NEK7: variants seen among roughly 807,000 people sequenced by gnomAD.
The protein encoded by NEK7 is NIMA related kinase 7.
Under a neutral mutation model 44.6 loss-of-function variants are expected in NEK7, and 18 were observed. The ratio of observed to expected loss-of-function variants is 0.40; its 90% CI spans 0.28 to 0.60. The LOEUF is 0.60. Among genes scored for constraint, NEK7 ranks in the 20% least tolerant of loss-of-function variants. The probability of loss-of-function intolerance (pLI) is 0.38; values close to 1 mark genes in which losing one functional copy is unlikely to be tolerated. For synonymous variants in NEK7, 130 were observed against 121.1 expected, an observed-to-expected ratio of 1.07 and a Z score of -0.48; for missense variants, 256 against 366.5, an observed-to-expected ratio of 0.70 and a Z score of 2.46.
At chr1:198,239,664 T>C (rs1666631248) in intron 2 of NEK7, among the ~76,000 whole-genome samples, 1 of 152,102 alleles carries the variant, frequency 6.6e-6, no homozygotes, top group African/African-American at 2.4e-5. Flanking sequence ...CAGTGAATAC[T>C]AGATAAAGGG....
intron 9 of NEK7, among the ~76,000 whole-genome samples, chr1:198,314,506 G>A (rs1381385567): frequency 3.9e-5 from 6 of 152,122 alleles, no homozygotes; most frequent in Admixed American, 1.3e-4. Context: ...GAGGAGAGGC[G>A]CTCTGCTTTT....
intron 1 of NEK7, among the ~76,000 whole-genome samples, chr1:198,203,143 T>C (rs1427198638): frequency 6.6e-6 from 1 of 152,194 alleles, no homozygotes; most frequent in African/African-American, 2.4e-5. Context: ...GGGATGTATT[T>C]ATATAAAACT....
chr1:198,302,209 TCAA>T (rs1654908701), intron 9 of NEK7, among the ~76,000 whole-genome samples: 1 of 152,192 alleles, frequency 6.6e-6, no homozygotes, highest in African/African-American at 2.4e-5. Flanking sequence ...CCATAAAATA[TCAA>T]CCTGAAAGGT....
At chr1:198,282,417 C>A (rs541037709) in intron 7 of NEK7, among the ~76,000 whole-genome samples, 1 of 152,168 alleles carries the variant, frequency 6.6e-6, no homozygotes. Context: ...TCATGATGTG[C>A]CAGCCATGTT....
At chr1:198,233,834 T>G (rs946602536) in intron 2 of NEK7, among the ~76,000 whole-genome samples, 17 of 151,436 alleles carry the variant, frequency 1.1e-4, no homozygotes, top group Non-Finnish European at 2.4e-4. Flanking sequence ...CGATCTTTTC[T>G]GCTTGTATGA....
chr1:198,171,884 G>T (rs1166071832), intron 1 of NEK7, among the ~76,000 whole-genome samples: 1 of 152,170 alleles, frequency 6.6e-6, no homozygotes. Context: ...AGGCCTGCCT[G>T]ACCCTGACAG....
chr1:198,224,632 A>C (rs575945394), intron 1 of NEK7, among the ~76,000 whole-genome samples: 1 of 152,168 alleles, frequency 6.6e-6, no homozygotes, highest in South Asian at 2.1e-4. Flanking sequence ...TAATTTTTGG[A>C]AAATGTAGCT....
chr1:198,262,563 T>G lies in NEK7; in HGVS notation c.199-12T>G. The stretch of plus-strand genomic sequence containing the variant: ...TATTATTTTATTAAGTAATTCTGGG[T>G]TCTGTTTTTAGATATTTGATTTAAT... On this transcript the variant is annotated splice_polypyrimidine_tract_variant and intron_variant, in intron 3 of 9. Transcript: ENST00000367385. 1 of 1,550,472 alleles carries G rather than the reference T, an allele frequency of 6.4e-7. No individual in the cohort carries two copies. The highest frequency in any genetic ancestry group is 1.1e-5 in the South Asian group (1 of 87,734).
intron 5 of NEK7, among the ~76,000 whole-genome samples, chr1:198,273,399 T>C (rs1653915832): frequency 6.6e-6 from 1 of 151,760 alleles, no homozygotes; most frequent in Admixed American, 6.6e-5. Flanking sequence ...GATACCTCAT[T>C]ATGCCTTCCA....
At chr1:198,193,773 A>G (rs902580021) in intron 1 of NEK7, among the ~76,000 whole-genome samples, 1 of 152,168 alleles carries the variant, frequency 6.6e-6, no homozygotes, top group African/African-American at 2.4e-5. Context: ...CTCTCAATCA[A>G]CTAGGTATTG....
intron 3 of NEK7, chr1:198,256,327 G>C: frequency 6.2e-7 from 1 of 1,601,984 alleles, no homozygotes. Flanking sequence ...TTTTCCTGCA[G>C]GTTTGCCTGT....
chr1:198,171,493 A>G (rs1290565978), intron 1 of NEK7, among the ~76,000 whole-genome samples: 1 of 152,060 alleles, frequency 6.6e-6, no homozygotes, highest in Non-Finnish European at 1.5e-5. Context: ...AGCCTGACCA[A>G]CATGGTGAAA....
intron 9 of NEK7, among the ~76,000 whole-genome samples, chr1:198,303,215 C>G (rs559580872): frequency 6.6e-6 from 1 of 152,090 alleles, no homozygotes; most frequent in African/African-American, 2.4e-5. Context: ...CTCAAGATAG[C>G]AAATATGTTG....
chr1:198,203,985 C>CAGGG (rs1238698653), intron 1 of NEK7, among the ~76,000 whole-genome samples: 1 of 152,172 alleles, frequency 6.6e-6, no homozygotes, highest in Non-Finnish European at 1.5e-5. Context: ...CGGCCAGTTG[C>CAGGG]AGGGGCTCAT....
intron 1 of NEK7, among the ~76,000 whole-genome samples, chr1:198,212,247 A>T (rs1665795425): frequency 6.6e-6 from 1 of 152,196 alleles, no homozygotes; most frequent in Non-Finnish European, 1.5e-5. Context: ...CTGTAGCCAC[A>T]GGTGCAGGAG....
intron 9 of NEK7, among the ~76,000 whole-genome samples, chr1:198,303,021 G>C (rs1335756155): frequency 6.6e-6 from 1 of 151,980 alleles, no homozygotes; most frequent in Non-Finnish European, 1.5e-5. Context: ...ATCTTTATCT[G>C]GAATCTCCTT....
intron 1 of NEK7, among the ~76,000 whole-genome samples, chr1:198,215,226 G>C (rs1665884467): frequency 6.6e-6 from 1 of 152,116 alleles, no homozygotes; most frequent in Admixed American, 6.5e-5. Flanking sequence ...GGAAACCCCT[G>C]AAAGCATAAA....
In NEK7 at chr1:198,175,036, G is replaced by C. The variant is rs570325960; in HGVS notation, c.-29+17760G>C. 2.0e-5 allele frequency among the ~76,000 whole-genome samples: 3 copies of C among 152,278 alleles called. No homozygotes were observed. The South Asian group carries it at 6.2e-4, about 32-fold the overall frequency. ...GCTTCCCAAAGTTCTAGGATTACAG[G>C]CATGAGGCACTGTACCGTGCCTGTT... On this transcript the variant is annotated intron_variant, in intron 1 of 9. Coordinates refer to ENST00000367385, the MANE Select transcript of NEK7 (RefSeq NM_133494.3).
chr1:198,222,830 G>C (rs1666108149), intron 1 of NEK7, among the ~76,000 whole-genome samples: 1 of 146,340 alleles, frequency 6.8e-6, no homozygotes, highest in African/African-American at 2.5e-5. Flanking sequence ...ATTACAAATT[G>C]TTATAATTGC....
Sources: gnomAD v4.1 joint callset for allele counts (sites outside exome capture counted in the v4.1 genomes callset) on GRCh38, gnomAD v4.1.1 for gene constraint, MANE v1.5 for transcripts, NCBI Gene and HGNC (gene_info 2026-07-23, HGNC 2026-07-21) for gene names.